WNK1: variants seen among roughly 807,000 people sequenced by gnomAD.
WNK1 encodes WNK lysine deficient protein kinase 1.
WNK1 carries 38 observed loss-of-function variants against 222.8 expected under a neutral mutation model. The observed-to-expected ratio is 0.17, with a 90% CI of 0.13 to 0.22. The LOEUF (loss-of-function observed/expected upper bound fraction) is 0.22. Ranked by LOEUF, WNK1 falls within the 10% of genes least tolerant of loss-of-function variation. WNK1 has a pLI of 1.00. For missense variants in WNK1, 2,348 were observed against 2,918.4 expected (o/e 0.80, Z 4.50); for synonymous variants, 1,090 against 1,092.9 (o/e 1.00, Z 0.05).
chr12:806,814 A>G (rs532172690), intron 1 of WNK1, among the ~76,000 whole-genome samples: 2 of 152,366 alleles, frequency 1.3e-5, no homozygotes, highest in Admixed American at 1.3e-4. Context: ...TGAATTCCAG[A>G]ATTAGTAAAA....
rs1026799074 is a variant in WNK1, at chr12:896,823, A to G, written c.6245+91A>G. On this transcript the variant is annotated intron_variant, in intron 24 of 27. Transcript: ENST00000315939. ...GATTAATAATATTTTTCGCCACAAT[A>G]TGCTAATGTCTCATTTCTTTTAAAG... is the stretch of plus-strand genomic sequence containing the variant. The G allele has an allele frequency of 3.6e-6, 5 of 1,407,252 alleles. No homozygotes were observed. In the African/African-American group the frequency reaches 5.8e-5, roughly 16 times the overall value. The allele number at this position is 1,407,252 out of a possible 1,614,324, so 87.2% of individuals were successfully genotyped here.
At chr12:782,871 A>G (rs1943862760) in intron 1 of WNK1, among the ~76,000 whole-genome samples, 1 of 151,866 alleles carries the variant, frequency 6.6e-6, no homozygotes, top group South Asian at 2.1e-4. Flanking sequence ...AATATGTTTC[A>G]TATAACCCAA....
intron 23 of WNK1, 138 bp from the exon 24 acceptor site, chr12:895,933 G>C: frequency 9.0e-7 from 1 of 1,115,792 alleles, no homozygotes; most frequent in Non-Finnish European, 1.3e-6. Flanking sequence ...GTCAAAAGTG[G>C]AGGCGCTATG....
At chr12:908,133 C>T in intron 27 of WNK1, 99 bp downstream of exon 27, 1 of 1,414,520 alleles carries the variant, frequency 7.1e-7, no homozygotes, top group East Asian at 2.4e-5. Context: ...CCACGACCTT[C>T]TTCAATTTTA....
intron 4 of WNK1, among the ~76,000 whole-genome samples, chr12:855,979 A>G (rs987856082): frequency 6.6e-6 from 1 of 151,926 alleles, no homozygotes; most frequent in Non-Finnish European, 1.5e-5. Flanking sequence ...AGCTGGGACT[A>G]CAGGCATGCG....
At position 885,273 on chromosome 12, in the gene WNK1, C is replaced by T; in HGVS notation, c.4469C>T (p.Thr1490Ile). 1 of 1,614,226 alleles carries T rather than the reference C, an allele frequency of 6.2e-7. No individual in the cohort carries two copies. The change falls in exon 19 of 28, where the codon ACA (threonine) becomes ATA (isoleucine). Residue 1490 changes from threonine to isoleucine, a missense_variant. By Grantham distance (89) the Thr-to-Ile change is moderately conservative. Transcript: ENST00000315939. ...AGCACTACTGTGGGAGCCACATTAA[C>T]ATCAGTTTCTACCACCACTTCATTC... is the stretch of plus-strand genomic sequence containing the variant. ...AGSTTVGATL[T>I]SVSTTTSFPS...
intron 4 of WNK1, among the ~76,000 whole-genome samples, chr12:852,283 G>A (rs949823645): frequency 1.3e-5 from 2 of 151,618 alleles, no homozygotes; most frequent in Non-Finnish European, 2.9e-5. Flanking sequence ...GTCTTATATC[G>A]GACTCTCAAT....
rs763686798 is a variant in WNK1 at position 865,203 on chromosome 12, G to A, written c.2139+2933G>A. On this transcript the variant is annotated intron_variant, in intron 8 of 27. Coordinates refer to ENST00000315939, the MANE Select transcript of WNK1 (RefSeq NM_018979.4). ...TCTCCCAGTGCTCTTCCACCCCACC[G>A]CCAGTACTGTCTGCACCTCTTTCTC... The A allele has an allele frequency of 4.5e-5, 69 of 1,535,492 alleles. No homozygotes were observed. Among genetic ancestry groups the A allele is most frequent in the Admixed American group, 1.2e-4 (6 of 50,898 alleles).
chr12:755,538 TTAA>T (rs1176444234), intron 1 of WNK1, among the ~76,000 whole-genome samples: 3 of 152,150 alleles, frequency 2.0e-5, no homozygotes, highest in African/African-American at 7.2e-5. Context: ...ACTTTTACAG[TTAA>T]TGATGTAGAA....
At chr12:906,431 C>T in intron 26 of WNK1, 1 of 985,312 alleles carries the variant, frequency 1.0e-6, no homozygotes, top group Non-Finnish European at 1.2e-6. Context: ...CCCTTTGCAC[C>T]CTGCCTCAGC....
Position 907,876 on chromosome 12 carries a change from A to T in WNK1, c.6673A>T (p.Thr2225Ser). The change falls in exon 27 of 28, where the codon ACA (threonine) becomes TCA (serine). Residue 2225 changes from threonine to serine, a missense_variant. Thr to Ser is a moderately conservative substitution (Grantham distance 58, BLOSUM62 1). Transcript: ENST00000315939. The part of the protein sequence containing the change: ...GTSSTNTVGA[T>S]VNSQAAQAQP... Reference sequence around the variant, plus strand: ...CAGCAGCACAAACACTGTTGGGGCAACAGTGAACAGCCAAGCCGCCCAAGC... The same window carrying T: ...CAGCAGCACAAACACTGTTGGGGCATCAGTGAACAGCCAAGCCGCCCAAGC... 6.2e-7 allele frequency: 1 copy of T among 1,614,034 alleles called. No individual in the cohort carries two copies.
chr12:807,866 C>T (rs1946523251), intron 1 of WNK1, among the ~76,000 whole-genome samples: 1 of 151,680 alleles, frequency 6.6e-6, no homozygotes, highest in Admixed American at 6.6e-5. Context: ...ACTACAGGCG[C>T]GCGCCACTAC....
At chr12:889,105 A>C in intron 20 of WNK1, 35 bp from the exon 21 acceptor site, 1 of 1,586,532 alleles carries the variant, frequency 6.3e-7, no homozygotes, top group Non-Finnish European at 8.7e-7. Context: ...TGAAGGTGCC[A>C]CGGAACTGTA....
In WNK1 at chr12:827,456, T is replaced by TG; in HGVS notation, c.1153+196dup. 3.3e-6 allele frequency: 2 copies of TG among 607,052 alleles called. No individual in the cohort carries two copies. Among genetic ancestry groups the TG allele is most frequent in the Non-Finnish European group, 5.9e-6 (2 of 340,258 alleles). The allele number at this position is 607,052 out of a possible 1,614,324, so 37.6% of individuals were successfully genotyped here. A position where few individuals can be genotyped will look rare whatever the true frequency, so the allele number is the denominator to read the frequency against. ...TTCTTGGAATCATCTTAGAGACTAT[T>TG]GGTAACATTACGTTACAAGAAATAA... On this transcript the variant is annotated intron_variant, in intron 3 of 27. Coordinates refer to ENST00000315939, the MANE Select transcript of WNK1 (RefSeq NM_018979.4). This position sits in a 1 kb window ranked among gnomAD's most constrained non-coding sequence, Gnocchi z 4.6.
chr12:860,356 G>T (rs1951111540), intron 6 of WNK1, among the ~76,000 whole-genome samples: 1 of 152,164 alleles, frequency 6.6e-6, no homozygotes, highest in African/African-American at 2.4e-5. Context: ...TCTTCCATAA[G>T]GAAACCCTTC....
At chr12:887,344 T>A in intron 20 of WNK1, 40 bp downstream of exon 20, 1 of 1,604,204 alleles carries the variant, frequency 6.2e-7, no homozygotes, top group Non-Finnish European at 8.5e-7. Flanking sequence ...GTGCCCTACT[T>A]TCTTTGACAA....
chr12:868,179 T>G lies in WNK1; in HGVS notation c.2140-3086T>G, dbSNP rs1374891745. 4 of 1,613,812 alleles carry G rather than the reference T, an allele frequency of 2.5e-6. No homozygotes were observed. The highest frequency in any genetic ancestry group is 2.5e-6 in the Non-Finnish European group (3 of 1,179,860). On this transcript the variant is annotated intron_variant, in intron 8 of 27. Coordinates refer to ENST00000315939, the MANE Select transcript of WNK1 (RefSeq NM_018979.4). Reference sequence around the variant, plus strand: ...ACTGGAGAGTCATGTGAGATACAGGTCCATCCTATGTTTGAACCATCTCAA... The same window carrying G: ...ACTGGAGAGTCATGTGAGATACAGGGCCATCCTATGTTTGAACCATCTCAA...
intron 8 of WNK1, among the ~76,000 whole-genome samples, chr12:866,310 A>G (rs1178467017): frequency 6.6e-6 from 1 of 152,200 alleles, no homozygotes; most frequent in African/African-American, 2.4e-5. Flanking sequence ...AATGAAACTG[A>G]ATTCTTTTAA....
chr12:818,887 G>A (rs1479478631), intron 2 of WNK1, among the ~76,000 whole-genome samples: 1 of 152,182 alleles, frequency 6.6e-6, no homozygotes, highest in Non-Finnish European at 1.5e-5. Flanking sequence ...CATTTGGGCT[G>A]TATCCACCTT....
Sources: allele counts gnomAD v4.1 joint callset (sites outside exome capture counted in the v4.1 genomes callset), GRCh38; gene constraint gnomAD v4.1.1; non-coding constraint Gnocchi (gnomAD v3.1); transcripts MANE v1.5; gene names NCBI Gene and HGNC (gene_info 2026-07-23, HGNC 2026-07-21).